The following PDCD6IP variants were observed in gnomAD, a reference collection of about 807,000 sequenced individuals.
PDCD6IP encodes programmed cell death 6 interacting protein.
PDCD6IP carries 43 observed loss-of-function variants against 103.7 expected under a neutral mutation model. The ratio of observed to expected loss-of-function variants is 0.41; its 90% CI spans 0.32 to 0.53. The LOEUF (loss-of-function observed/expected upper bound fraction) is 0.53, where lower values mean the gene tolerates loss of function less well. Among genes scored for constraint, PDCD6IP ranks in the 20% least tolerant of loss-of-function variants. PDCD6IP has a pLI of 0.16. For missense variants in PDCD6IP, 871 were observed against 1,036.7 expected, an observed-to-expected ratio of 0.84 and a Z score of 2.20; for synonymous variants, 354 against 378.7, an observed-to-expected ratio of 0.93 and a Z score of 0.76.
At chr3:33,818,513 C>CTTT (rs61405380) in intron 3 of PDCD6IP, among the ~76,000 whole-genome samples, 151 of 89,270 alleles carry the variant, frequency 1.7e-3, no homozygotes, top group Non-Finnish European at 2.1e-3. Context: ...TGATCCCTTG[C>CTTT]TTTTTTTTTT....
At chr3:33,863,875 A>T in intron 15 of PDCD6IP, 131 bp from the exon 16 acceptor site, 1 of 663,658 alleles carries the variant, frequency 1.5e-6, no homozygotes. Flanking sequence ...GAAATGTAGT[A>T]TATTTTAAAA....
At chr3:33,864,270 A>G (rs1419259562) in intron 16 of PDCD6IP, 141 bp downstream of exon 16, 14 of 617,922 alleles carry the variant, frequency 2.3e-5, no homozygotes, top group South Asian at 4.4e-5. Flanking sequence ...ATATTTTGCA[A>G]TATGTAGAAC....
At chr3:33,824,333 CT>C (rs1304809500) in intron 4 of PDCD6IP, among the ~76,000 whole-genome samples, 1 of 151,204 alleles carries the variant, frequency 6.6e-6, no homozygotes, top group African/African-American at 2.4e-5. Flanking sequence ...TCTTGGCTCA[CT>C]GCAACCTCCG....
At chr3:33,835,935 C>T in intron 7 of PDCD6IP, 109 bp from the exon 8 acceptor site, 3 of 658,520 alleles carry the variant, frequency 4.6e-6, no homozygotes, top group Non-Finnish European at 7.8e-6. Flanking sequence ...TGCAAGTCTT[C>T]AGATTAAAGA....
chr3:33,836,411 T>A (rs1209443702), intron 8 of PDCD6IP, 145 bp downstream of exon 8: 2 of 601,756 alleles, frequency 3.3e-6, no homozygotes, highest in African/African-American at 3.7e-5. Flanking sequence ...GAATAAATAT[T>A]GTGCCAGTGC....
chr3:33,839,108 TTTAG>T (rs1388686479), intron 9 of PDCD6IP, among the ~76,000 whole-genome samples: 2 of 152,110 alleles, frequency 1.3e-5, no homozygotes, highest in African/African-American at 2.4e-5. Flanking sequence ...TGCTTGGTCA[TTTAG>T]TTAGTTTTGA....
intron 15 of PDCD6IP, among the ~76,000 whole-genome samples, chr3:33,861,166 A>G (rs11716387): frequency 0.045 from 6,588 of 146,932 alleles, 215 homozygotes; most frequent in Non-Finnish European, 0.066. Context: ...TTTTTGTGAG[A>G]TGGAGTCTTG....
intron 2 of PDCD6IP, 50 bp from the exon 3 acceptor site, chr3:33,813,509 T>G: frequency 4.0e-4 from 435 of 1,087,602 alleles, no homozygotes; most frequent in Middle Eastern, 6.1e-4. Flanking sequence ...TAATATTTAA[T>G]GAGATTCAGG....
At chr3:33,846,952 T>C (rs780751560) in intron 12 of PDCD6IP, among the ~76,000 whole-genome samples, 2 of 152,180 alleles carry the variant, frequency 1.3e-5, no homozygotes, top group Non-Finnish European at 2.9e-5. Flanking sequence ...GAAGGCTACA[T>C]AGTTGAATGT....
At chr3:33,818,788 A>T (rs1469001083) in intron 3 of PDCD6IP, among the ~76,000 whole-genome samples, 1 of 151,944 alleles carries the variant, frequency 6.6e-6, no homozygotes, top group Non-Finnish European at 1.5e-5. Flanking sequence ...AAGTGCTGAG[A>T]TTACAGGCGT....
At position 33,813,687 on chromosome 3, in the gene PDCD6IP, T is replaced by A; in HGVS notation, c.334+59T>A. 1.0e-5 allele frequency: 10 copies of A among 978,106 alleles called. 1 individual carries two copies. In the South Asian group the frequency reaches 1.2e-4, roughly 12 times the overall value. 60.6% of individuals were successfully genotyped at this position (978,106 alleles called of 1,614,324 possible). A position where few individuals can be genotyped will look rare whatever the true frequency, so the allele number is the denominator to read the frequency against. ...TGGTCTAACTACTTTGCATTGTTTT[T>A]AGTTTTTAAAATTGTTATCCTAATG... On this transcript the variant is annotated intron_variant, in intron 3 of 17. Transcript: ENST00000307296.
At position 33,820,012 on chromosome 3, in the gene PDCD6IP, G is replaced by A. The variant is rs368208374; in HGVS notation, c.335-1943G>A. Among the ~76,000 whole-genome samples the A allele has an allele frequency of 1.5e-4, 23 of 152,226 alleles. No homozygotes were observed. In the South Asian group the frequency reaches 2.1e-3, roughly 14 times the overall value. The stretch of plus-strand genomic sequence containing the variant: ...AATGATAACTTCACAGACTGGGGGC[G>A]GTGGCTTATGCCTGTAATCCCAGCA... On this transcript the variant is annotated intron_variant, in intron 3 of 17. Transcript: ENST00000307296.
At chr3:33,856,724 G>A (rs992792127) in intron 15 of PDCD6IP, among the ~76,000 whole-genome samples, 2 of 152,222 alleles carry the variant, frequency 1.3e-5, no homozygotes, top group Non-Finnish European at 2.9e-5. Flanking sequence ...AGGCAGTCAG[G>A]CAAAACAGTC....
intron 10 of PDCD6IP, among the ~76,000 whole-genome samples, chr3:33,843,475 A>G (rs932027205): frequency 2.6e-5 from 4 of 152,164 alleles, no homozygotes; most frequent in African/African-American, 4.8e-5. Flanking sequence ...TTTTTAGAGC[A>G]TTGTCAAAAA....
chr3:33,798,686 G>T lies in PDCD6IP; in HGVS notation c.-43G>T. On this transcript the variant is annotated 5_prime_UTR_variant, in exon 1 of 18. Transcript: ENST00000307296. ...TCTCTCTCCTCGGCCCTCGTAAGCT[G>T]TCCGCGGTCTGTTTGGCCCGAACGG... 1 of 1,492,180 alleles carries T rather than the reference G, an allele frequency of 6.7e-7. No homozygotes were observed. The highest frequency in any genetic ancestry group is 9.0e-7 in the Non-Finnish European group (1 of 1,108,218). 92.4% of individuals were successfully genotyped at this position (1,492,180 alleles called of 1,614,324 possible).
At chr3:33,818,448 C>G (rs1696911186) in intron 3 of PDCD6IP, among the ~76,000 whole-genome samples, 2 of 150,100 alleles carry the variant, frequency 1.3e-5, no homozygotes, top group African/African-American at 2.5e-5. Flanking sequence ...GCCACACTGG[C>G]CTAATGTATA....
intron 8 of PDCD6IP, among the ~76,000 whole-genome samples, chr3:33,837,458 A>G (rs973059527): frequency 6.6e-6 from 1 of 152,196 alleles, no homozygotes; most frequent in African/African-American, 2.4e-5. Flanking sequence ...GTGCCCTGAG[A>G]TGGGTACTGT....
At chr3:33,803,798 T>TA (rs1483747389) in intron 1 of PDCD6IP, among the ~76,000 whole-genome samples, 1 of 152,164 alleles carries the variant, frequency 6.6e-6, no homozygotes, top group Admixed American at 6.5e-5. Flanking sequence ...TTCATTTTTT[T>TA]AAAAAATGTT....
At chr3:33,845,278 C>A in intron 11 of PDCD6IP, 141 bp from the exon 12 acceptor site, 1 of 494,034 alleles carries the variant, frequency 2.0e-6, no homozygotes, top group Non-Finnish European at 3.6e-6. Flanking sequence ...CTGTCAGGAG[C>A]TGTTTTTATT....
Sources: allele counts gnomAD v4.1 joint callset (sites outside exome capture counted in the v4.1 genomes callset), GRCh38; gene constraint gnomAD v4.1.1; transcripts MANE v1.5; gene names NCBI Gene and HGNC (gene_info 2026-07-23, HGNC 2026-07-21).